Variants in RBFOX1 observed in about 807,000 individuals in gnomAD.
The protein encoded by RBFOX1 is RNA binding protein fox-1 homolog 1.
In RBFOX1, 8 loss-of-function variants were observed where a neutral mutation model predicts 57.7. The observed-to-expected ratio is 0.14, with a 90% CI of 0.08 to 0.25. The LOEUF is 0.25. RBFOX1 is among the 10% of genes least tolerant of loss of function. RBFOX1 has a pLI of 1.00. For missense variants in RBFOX1, 611 were observed against 548.5 expected, an observed-to-expected ratio of 1.11 and a Z score of -1.14; for synonymous variants, 326 against 222.4, an observed-to-expected ratio of 1.47 and a Z score of -4.15.
At chr16:7,437,470 T>C (rs1006060558) in intron 4 of RBFOX1, among the ~76,000 whole-genome samples, 7 of 152,114 alleles carry the variant, frequency 4.6e-5, no homozygotes, top group Non-Finnish European at 1.0e-4. Context: ...ATGTTAAAAA[T>C]TGTTGACGTT....
At chr16:6,600,532 A>G (rs1367898097) in intron 2 of RBFOX1, among the ~76,000 whole-genome samples, 1 of 152,212 alleles carries the variant, frequency 6.6e-6, no homozygotes, top group African/African-American at 2.4e-5. Context: ...CTCTGGCCAG[A>G]GACGAACGCT....
chr16:5,665,122 A>G (rs1195325864), intron 3 of RBFOX1, among the ~76,000 whole-genome samples: 1 of 92,558 alleles, frequency 1.1e-5, no homozygotes, highest in African/African-American at 5.3e-5. Flanking sequence ...ACTTTTTGAT[A>G]TTTTTACATG....
chr16:6,355,528 C>G (rs947071768), intron 2 of RBFOX1, among the ~76,000 whole-genome samples: 4 of 152,168 alleles, frequency 2.6e-5, no homozygotes, highest in African/African-American at 7.2e-5. Flanking sequence ...TTCATCCAGT[C>G]TATTATTGAG....
At chr16:6,552,919 A>C (rs955512733) in intron 2 of RBFOX1, among the ~76,000 whole-genome samples, 1 of 152,122 alleles carries the variant, frequency 6.6e-6, no homozygotes, top group East Asian at 1.9e-4. Context: ...GATTACATAG[A>C]TTTCTGGTAT....
chr16:7,429,301 T>C (rs141387075), intron 4 of RBFOX1, among the ~76,000 whole-genome samples: 1 of 152,184 alleles, frequency 6.6e-6, no homozygotes, highest in South Asian at 2.1e-4. Flanking sequence ...CACTCAGGGA[T>C]CTCAAGGACT....
intron 2 of RBFOX1, among the ~76,000 whole-genome samples, chr16:5,566,267 G>T (rs1319703329): frequency 6.6e-6 from 1 of 152,120 alleles, no homozygotes; most frequent in African/African-American, 2.4e-5. Flanking sequence ...GAGGGTTCAT[G>T]TATTAACATA....
intron 14 of RBFOX1, among the ~76,000 whole-genome samples, chr16:7,679,854 C>A (rs1163430516): frequency 6.6e-6 from 1 of 152,000 alleles, no homozygotes; most frequent in Non-Finnish European, 1.5e-5. Context: ...AAGAAAAATA[C>A]CTGACTGGAC....
intron 2 of RBFOX1, among the ~76,000 whole-genome samples, chr16:5,514,863 T>C (rs137889821): frequency 9.2e-5 from 14 of 152,318 alleles, no homozygotes; most frequent in African/African-American, 3.4e-4. Context: ...AAGGAATACC[T>C]GATTCTGGGT....
Position 7,403,422 on chromosome 16 carries a change from T to G in RBFOX1, c.28-114725T>G, listed in dbSNP as rs2148861049. Among the ~76,000 whole-genome samples, 4 of 152,314 alleles carry G rather than the reference T, an allele frequency of 2.6e-5. No homozygotes were observed. The Middle Eastern group carries it at 0.01, about 389-fold the overall frequency. Reference sequence around the variant, plus strand: ...CAGCCTCTGGCAACCACTCTTCTCCTGTCTGTCTATTCCTACGAATTTGAG... The same window carrying G: ...CAGCCTCTGGCAACCACTCTTCTCCGGTCTGTCTATTCCTACGAATTTGAG... On this transcript the variant is annotated intron_variant, in intron 4 of 15. Coordinates refer to ENST00000550418, the MANE Select transcript of RBFOX1 (RefSeq NM_018723.4).
intron 4 of RBFOX1, among the ~76,000 whole-genome samples, chr16:7,397,245 T>C (rs2095244944): frequency 6.6e-6 from 1 of 152,224 alleles, no homozygotes; most frequent in Non-Finnish European, 1.5e-5. Context: ...TTTAGTAAGA[T>C]AGAATTGTGT....
chr16:6,224,560 G>A (rs1441153875), intron 1 of RBFOX1, among the ~76,000 whole-genome samples: 3 of 152,148 alleles, frequency 2.0e-5, no homozygotes, highest in African/African-American at 7.2e-5. Context: ...AGTCACTGCA[G>A]TTGGTGTTGC....
chr16:5,684,673 A>G (rs914396837), intron 3 of RBFOX1, among the ~76,000 whole-genome samples: 2 of 152,170 alleles, frequency 1.3e-5, no homozygotes, highest in African/African-American at 4.8e-5. Flanking sequence ...CCTTTTCATC[A>G]GCTTCTCCCT....
chr16:6,971,268 C>T (rs532761026), intron 3 of RBFOX1, among the ~76,000 whole-genome samples: 10 of 152,222 alleles, frequency 6.6e-5, no homozygotes, highest in African/African-American at 2.4e-4. Flanking sequence ...TCTGGAACAC[C>T]TTGGGGATTC....
chr16:7,341,628 G>A (rs1434048157), intron 4 of RBFOX1, among the ~76,000 whole-genome samples: 3 of 152,032 alleles, frequency 2.0e-5, no homozygotes, highest in African/African-American at 7.2e-5. Flanking sequence ...CAAAGAAGAT[G>A]GCTTCCTACA....
intron 1 of RBFOX1, among the ~76,000 whole-genome samples, chr16:5,267,191 A>C (rs952794873): frequency 8.5e-5 from 13 of 152,228 alleles, no homozygotes; most frequent in Non-Finnish European, 1.8e-4. Flanking sequence ...TGAGCTTTCC[A>C]AATGGACTTT....
chr16:6,842,732 C>T (rs938542873), intron 3 of RBFOX1, among the ~76,000 whole-genome samples: 2 of 150,582 alleles, frequency 1.3e-5, no homozygotes, highest in African/African-American at 2.5e-5. Flanking sequence ...TATACATGTG[C>T]CATGGTGGTT....
At chr16:7,468,156 T>C (rs1362570856) in intron 4 of RBFOX1, among the ~76,000 whole-genome samples, 1 of 152,134 alleles carries the variant, frequency 6.6e-6, no homozygotes, top group Non-Finnish European at 1.5e-5. Context: ...GCATTAAATC[T>C]CCACAGTAAA....
intron 2 of RBFOX1, among the ~76,000 whole-genome samples, chr16:6,548,188 A>AAT (rs879773131): frequency 0.032 from 4,811 of 152,202 alleles, 266 homozygotes; most frequent in African/African-American, 0.1. Flanking sequence ...AGTCTTGGGT[A>AAT]TTGCCATCCT....
rs1194358244 is a variant in RBFOX1, at chr16:6,318,806, AT to A, written c.-64+1757del. On this transcript the variant is annotated intron_variant, in intron 2 of 15. Transcript: ENST00000550418. ...TGCTCTAAACCAGTGAGCAGATATA[AT>A]TTTTTTTAAAGAAATCATTTTAGAA... Among the ~76,000 whole-genome samples the A allele has an allele frequency of 5.3e-5, 8 of 151,854 alleles. No homozygotes were observed. In the South Asian group the frequency reaches 6.3e-4, roughly 12 times the overall value.
Sources: allele counts gnomAD v4.1 joint callset (sites outside exome capture counted in the v4.1 genomes callset), GRCh38; gene constraint gnomAD v4.1.1; transcripts MANE v1.5; gene names NCBI Gene and HGNC (gene_info 2026-07-23, HGNC 2026-07-21).